The following ACKR2 variants were observed in gnomAD, a reference collection of about 807,000 sequenced individuals.
ACKR2 encodes atypical chemokine receptor 2.
For missense variants in ACKR2, 457 were observed against 477.3 expected (o/e 0.96, Z 0.40); for synonymous variants, 207 against 192.2 (o/e 1.08, Z -0.64).
rs1237998604 is a variant in ACKR2, at chr3:42,865,328, TTGGACCTGC to T, written c.827_835del (p.Leu276_Gln279delinsTer). ...TCTCACCTTGTTTCTGCATACGCTGTTGGACCTGCAAGTATTCGGGAACTGTGAGGTCAG... is the reference window on the plus strand; with the variant it reads ...TCTCACCTTGTTTCTGCATACGCTGTAAGTATTCGGGAACTGTGAGGTCAG... On this transcript the variant is annotated stop_gained and inframe_deletion, in exon 3 of 3. Transcript: ENST00000422265. LOFTEE classifies it low-confidence loss of function (END_TRUNC). 6.2e-7 allele frequency: 1 copy of T among 1,614,224 alleles called. No individual in the cohort carries two copies. Among genetic ancestry groups the T allele is most frequent in the Admixed American group, 1.7e-5 (1 of 60,028 alleles).
chr3:42,844,460 A>T (rs1002897331), intron 2 of ACKR2, among the ~76,000 whole-genome samples: 3 of 152,158 alleles, frequency 2.0e-5, no homozygotes, highest in Non-Finnish European at 4.4e-5. Context: ...GGTGGGGGGC[A>T]GGGAACATTA....
Position 42,866,566 on chromosome 3 carries a change from T to TCC in ACKR2, c.*910_*911dup, listed in dbSNP as rs1406481584. 1 of 167,130 alleles carries TCC rather than the reference T, an allele frequency of 6.0e-6. No homozygotes were observed. The highest frequency in any genetic ancestry group is 1.5e-5 in the Non-Finnish European group (1 of 68,164). 10.4% of individuals were successfully genotyped at this position (167,130 alleles called of 1,614,324 possible). ...TAGTTTTCCAACTGGCCCCTGTCCTTCCTCTCTCTTGCTCTCCTCCCATCT... is the reference window on the plus strand; with the variant it reads ...TAGTTTTCCAACTGGCCCCTGTCCTTCCCCTCTCTCTTGCTCTCCTCCCATCT... On this transcript the variant is annotated 3_prime_UTR_variant, in exon 3 of 3. Transcript: ENST00000422265.
chr3:42,864,530 C>A lies in ACKR2; in HGVS notation c.28C>A (p.Leu10Ile). 1 of 1,608,004 alleles carries A rather than the reference C, an allele frequency of 6.2e-7. No individual in the cohort carries two copies. Among genetic ancestry groups the A allele is most frequent in the Non-Finnish European group, 8.5e-7 (1 of 1,175,810 alleles). The change falls in exon 3 of 3, where the codon CTC becomes ATC. Residue 10 changes from leucine (L) to isoleucine (I), a missense_variant. Transcript: ENST00000422265. Reference sequence around the variant, plus strand: ...GGCCGCCACTGCCTCTCCGCAGCCACTCGCCACTGAGGATGCCGATTCTGA... The same window carrying A: ...GGCCGCCACTGCCTCTCCGCAGCCAATCGCCACTGAGGATGCCGATTCTGA... MAATASPQP[L>I]ATEDADSENS...
At chr3:42,831,628 G>T (rs1249939037) in intron 2 of ACKR2, among the ~76,000 whole-genome samples, 1 of 152,250 alleles carries the variant, frequency 6.6e-6, no homozygotes, top group South Asian at 2.1e-4. Context: ...AGCTGCAATC[G>T]CACCCTCTCA....
chr3:42,857,913 C>T (rs952257984), intron 2 of ACKR2, among the ~76,000 whole-genome samples: 3 of 152,204 alleles, frequency 2.0e-5, no homozygotes, highest in African/African-American at 4.8e-5. Context: ...CTGGGAAGTT[C>T]GAACTGGGCA....
chr3:42,845,282 C>G (rs1312635591), intron 2 of ACKR2, among the ~76,000 whole-genome samples: 1 of 152,116 alleles, frequency 6.6e-6, no homozygotes, highest in East Asian at 1.9e-4. Flanking sequence ...ACTCAAAGAC[C>G]AAGAAAAAAT....
rs2088438138 is a variant in ACKR2 at position 42,866,662 on chromosome 3, C to T, written c.*1005C>T. On this transcript the variant is annotated 3_prime_UTR_variant, in exon 3 of 3. Coordinates refer to ENST00000422265, the MANE Select transcript of ACKR2 (RefSeq NM_001296.5). ...ACTTCCGCCTCCCTCAGAGCAGCAG[C>T]CTGTCAAAACACCAGATTACAACAA... 1 of 167,004 alleles carries T rather than the reference C, an allele frequency of 6.0e-6. No homozygotes were observed. Among genetic ancestry groups the T allele is most frequent in the Admixed American group, 6.6e-5 (1 of 15,266 alleles). The allele number at this position is 167,004 out of a possible 1,614,324, so 10.3% of individuals were successfully genotyped here.
At chr3:42,812,357 TATAA>T (rs1700705254) in intron 1 of ACKR2, among the ~76,000 whole-genome samples, 1 of 152,246 alleles carries the variant, frequency 6.6e-6, no homozygotes, top group African/African-American at 2.4e-5. Flanking sequence ...AGAGACAAAG[TATAA>T]ATGTTTAGGA....
intron 2 of ACKR2, among the ~76,000 whole-genome samples, chr3:42,840,090 C>G (rs1701020899): frequency 1.3e-5 from 2 of 151,776 alleles, no homozygotes; most frequent in Admixed American, 1.3e-4. Context: ...AACCTCGTCT[C>G]TACTAAAAAT....
At chr3:42,856,215 C>A in intron 2 of ACKR2, 1 of 575,294 alleles carries the variant, frequency 1.7e-6, no homozygotes, top group Non-Finnish European at 3.1e-6. Context: ...CAGAGTTGGG[C>A]CTTAGATAAA....
chr3:42,838,708 C>G (rs1701008121), intron 2 of ACKR2, among the ~76,000 whole-genome samples: 1 of 152,112 alleles, frequency 6.6e-6, no homozygotes, highest in East Asian at 1.9e-4. Flanking sequence ...AAGTATTTAC[C>G]CAAGTGAAAT....
intron 2 of ACKR2, among the ~76,000 whole-genome samples, chr3:42,849,824 G>C (rs1701133847): frequency 6.6e-6 from 1 of 152,158 alleles, no homozygotes; most frequent in South Asian, 2.1e-4. Flanking sequence ...TATGTGTGGA[G>C]AAATCTTTAC....
At chr3:42,848,194 ACT>A (rs1325333039) in intron 2 of ACKR2, among the ~76,000 whole-genome samples, 1 of 148,050 alleles carries the variant, frequency 6.8e-6, no homozygotes, top group African/African-American at 2.5e-5. Flanking sequence ...AGAAAGGCTA[ACT>A]CTTTTAAAAA....
At chr3:42,823,264 T>A (rs1700827472) in intron 2 of ACKR2, among the ~76,000 whole-genome samples, 1 of 152,210 alleles carries the variant, frequency 6.6e-6, no homozygotes, top group Non-Finnish European at 1.5e-5. Flanking sequence ...CTTTTGTTTC[T>A]TACAGCATCC....
chr3:42,858,670 T>C (rs2088349301), intron 2 of ACKR2, among the ~76,000 whole-genome samples: 1 of 152,026 alleles, frequency 6.6e-6, no homozygotes, highest in Non-Finnish European at 1.5e-5. Context: ...GGATGGAGAA[T>C]GAGTTTGATG....
At chr3:42,846,501 G>A (rs9833785) in intron 2 of ACKR2, among the ~76,000 whole-genome samples, 2,360 of 152,228 alleles carry the variant, frequency 0.016, 62 homozygotes, top group African/African-American at 0.053. Flanking sequence ...GGAACCCGAG[G>A]GTGCATCCAG....
rs2088428553 is a variant in ACKR2, at chr3:42,865,542, G to A, written c.1040G>A (p.Cys347Tyr). ...ACTGCCCAGGCCTCATTATCCAGCT[G>A]TTCTGAGAGCAGCATACTTACTGCC... ...PGTAQASLSS[C>Y]SESSILTAQE... is the part of the protein sequence containing the mutation. Residue 347 changes from cysteine (C) to tyrosine (Y), a missense_variant, in exon 3 of 3, where the codon TGT (cysteine) becomes TAT (tyrosine). By Grantham distance (194) the Cys-to-Tyr change is radical. Coordinates refer to ENST00000422265, the MANE Select transcript of ACKR2 (RefSeq NM_001296.5). The A allele has an allele frequency of 6.2e-7, 1 of 1,614,064 alleles. No individual in the cohort carries two copies. Among genetic ancestry groups the A allele is most frequent in the Admixed American group, 1.7e-5 (1 of 60,000 alleles).
At chr3:42,820,454 G>A (rs553841043) in intron 2 of ACKR2, among the ~76,000 whole-genome samples, 4 of 152,072 alleles carry the variant, frequency 2.6e-5, no homozygotes, top group South Asian at 4.2e-4. Context: ...TTAGCCAGAT[G>A]TGGTGGTGGG....
intron 2 of ACKR2, among the ~76,000 whole-genome samples, chr3:42,855,649 C>T (rs544485377): frequency 6.6e-6 from 1 of 151,624 alleles, no homozygotes; most frequent in African/African-American, 2.4e-5. Context: ...ATCAGGAGGG[C>T]AAAGGCCTGA....
Sources: gnomAD v4.1 joint callset for allele counts (sites outside exome capture counted in the v4.1 genomes callset) on GRCh38, gnomAD v4.1.1 for gene constraint, MANE v1.5 for transcripts, NCBI Gene and HGNC (gene_info 2026-07-23, HGNC 2026-07-21) for gene names.